The following NENF variants were observed in gnomAD, a reference collection of about 807,000 sequenced individuals.
The protein encoded by NENF is neudesin.
A neutral mutation model predicts 14.8 loss-of-function variants in NENF; 6 were observed. The observed-to-expected ratio is 0.40, with a 90% CI of 0.22 to 0.80. NENF has a LOEUF of 0.80. Ranked by LOEUF, NENF falls within the 30% of genes least tolerant of loss-of-function variation. The probability of loss-of-function intolerance (pLI) is 0.34; values close to 1 mark genes in which losing one functional copy is unlikely to be tolerated. For synonymous variants in NENF, 76 were observed against 95.1 expected, an observed-to-expected ratio of 0.80 and a Z score of 1.17; for missense variants, 184 against 212.7, an observed-to-expected ratio of 0.87 and a Z score of 0.84.
chr1:212,435,337 CAT>C lies in NENF; in HGVS notation c.177+2221_177+2222del, dbSNP rs1373316570. Among the ~76,000 whole-genome samples, 4 of 152,130 alleles carry C rather than the reference CAT, an allele frequency of 2.6e-5. No individual in the cohort carries two copies. In the East Asian group the frequency reaches 7.7e-4, roughly 29 times the overall value. Reference sequence around the variant, plus strand: ...TGACCCCCATGCAGTCAAAAGTCTGCATATAACTTTTTTTTCTTTTAGAGGCA... The same window carrying C: ...TGACCCCCATGCAGTCAAAAGTCTGCATAACTTTTTTTTCTTTTAGAGGCA... On this transcript the variant is annotated intron_variant, in intron 1 of 3. Coordinates refer to ENST00000366988, the MANE Select transcript of NENF (RefSeq NM_013349.5).
intron 1 of NENF, among the ~76,000 whole-genome samples, chr1:212,434,246 A>G (rs1662569947): frequency 6.6e-6 from 1 of 152,156 alleles, no homozygotes; most frequent in Admixed American, 6.5e-5. Context: ...AGAGGGAACC[A>G]GATGGTTCAG....
At position 212,433,787 on chromosome 1, in the gene NENF, G is replaced by A. The variant is rs1031000940; in HGVS notation, c.177+667G>A. ...CCACACACGTCAATAGTCTAGAGGCGTCCAGAAAACTCACAACCACCTGCC... is the reference window on the plus strand; with the variant it reads ...CCACACACGTCAATAGTCTAGAGGCATCCAGAAAACTCACAACCACCTGCC... On this transcript the variant is annotated intron_variant, in intron 1 of 3. Coordinates refer to ENST00000366988, the MANE Select transcript of NENF (RefSeq NM_013349.5). The surrounding 1 kb of genome is among the most constrained non-coding windows in gnomAD (Gnocchi z 5.5). 6.6e-6 allele frequency among the ~76,000 whole-genome samples: 1 copy of A among 151,980 alleles called. No individual in the cohort carries two copies. The highest frequency in any genetic ancestry group is 2.4e-5 in the African/African-American group (1 of 41,370).
Position 212,446,328 on chromosome 1 carries a change from A to G in NENF, c.*322A>G, listed in dbSNP as rs1662778465. On this transcript the variant is annotated 3_prime_UTR_variant, in exon 4 of 4. Transcript: ENST00000366988. ...GCTTGACAGATTTTCAGCCATGACC[A>G]TGTTCACTTTATAATCAAAACAAAA... 3.9e-6 allele frequency: 1 copy of G among 255,324 alleles called. No individual in the cohort carries two copies. Among genetic ancestry groups the G allele is most frequent in the African/African-American group, 2.2e-5 (1 of 45,044 alleles). The allele number at this position is 255,324 out of a possible 1,614,324, so 15.8% of individuals were successfully genotyped here. A position where few individuals can be genotyped will look rare whatever the true frequency, so the allele number is the denominator to read the frequency against.
chr1:212,435,228 G>A (rs904892577), intron 1 of NENF, among the ~76,000 whole-genome samples: 4 of 152,228 alleles, frequency 2.6e-5, no homozygotes, highest in Non-Finnish European at 1.5e-5. Flanking sequence ...ACTTGGATTA[G>A]TCCAGGTTTC....
rs112393214 is a variant in NENF at position 212,443,880 on chromosome 1, CA to C, written c.239-448del. 6.9e-3 allele frequency among the ~76,000 whole-genome samples: 981 copies of C among 142,930 alleles called. 1 individual carries two copies. The highest frequency in any genetic ancestry group is 9.0e-3 in the African/African-American group (351 of 39,134). 93.8% of individuals were successfully genotyped at this position (142,930 alleles called of 152,430 possible). ...GCAACATGGTGAAACCCCATCTCTT[CA>C]AAAAAAAAAATACAAAAATTAGCTG... On this transcript the variant is annotated intron_variant, in intron 2 of 3. Coordinates refer to ENST00000366988, the MANE Select transcript of NENF (RefSeq NM_013349.5).
At chr1:212,444,463 T>C in intron 3 of NENF, 21 bp downstream of exon 3, 1 of 1,540,684 alleles carries the variant, frequency 6.5e-7, no homozygotes, top group Non-Finnish European at 8.8e-7. Context: ...TTATAAGCCT[T>C]TGTAAAATCC....
intron 2 of NENF, 103 bp downstream of exon 2, chr1:212,442,728 C>G (rs534790864): frequency 2.5e-6 from 2 of 793,236 alleles, no homozygotes; most frequent in Admixed American, 4.0e-5. Context: ...TAGGCAAGTC[C>G]TTTTCATTCC....
intron 1 of NENF, 32 bp from the exon 2 acceptor site, chr1:212,442,533 T>C (rs521469): frequency 0.41 from 648,701 of 1,571,570 alleles, 138,598 homozygotes; most frequent in East Asian, 0.62. Context: ...GGCTCTTCCC[T>C]TCCTCTTCAC....
intron 1 of NENF, 54 bp from the exon 2 acceptor site, chr1:212,442,511 A>G (rs1200145964): frequency 1.5e-6 from 2 of 1,339,122 alleles, no homozygotes; most frequent in Non-Finnish European, 2.2e-6. Context: ...ACTAAGTTGC[A>G]CTGGAAGAGC....
chr1:212,442,907 A>AT (rs971515605), intron 2 of NENF, among the ~76,000 whole-genome samples: 1 of 151,702 alleles, frequency 6.6e-6, no homozygotes, highest in Admixed American at 6.6e-5. Context: ...CCGCTGGCTA[A>AT]TTTTTTTGTA....
chr1:212,434,072 C>G lies in NENF; in HGVS notation c.177+952C>G, dbSNP rs568609246. ...CCTGAGTTAATTGGCCTTATATGGACTAGGATTGCATGGGGGTATCAGAAA... is the reference window on the plus strand; with the variant it reads ...CCTGAGTTAATTGGCCTTATATGGAGTAGGATTGCATGGGGGTATCAGAAA... On this transcript the variant is annotated intron_variant, in intron 1 of 3. Coordinates refer to ENST00000366988, the MANE Select transcript of NENF (RefSeq NM_013349.5). Among the ~76,000 whole-genome samples, 9 of 152,228 alleles carry G rather than the reference C, an allele frequency of 5.9e-5. No homozygotes were observed. In the East Asian group the frequency reaches 1.7e-3, roughly 29 times the overall value.
chr1:212,441,769 T>C (rs1319797525), intron 1 of NENF, among the ~76,000 whole-genome samples: 2 of 151,648 alleles, frequency 1.3e-5, no homozygotes, highest in Non-Finnish European at 2.9e-5. Context: ...CTGGGCAGCA[T>C]GAGTGAAACT....
At chr1:212,444,006 T>G (rs966664585) in intron 2 of NENF, among the ~76,000 whole-genome samples, 3 of 151,910 alleles carry the variant, frequency 2.0e-5, no homozygotes, top group Non-Finnish European at 4.4e-5. Flanking sequence ...GAGCCAAGAT[T>G]GTGCCACTGC....
At position 212,433,111 on chromosome 1, in the gene NENF, CG is replaced by C; in HGVS notation, c.172del (p.Glu58ArgfsTer11). 1 of 1,194,520 alleles carries C rather than the reference CG, an allele frequency of 8.4e-7. No homozygotes were observed. Among genetic ancestry groups the C allele is most frequent in the Non-Finnish European group, 1.0e-6 (1 of 963,350 alleles). The allele number at this position is 1,194,520 out of a possible 1,614,324, so 74.0% of individuals were successfully genotyped here. ...FTEEELARYG[G>X]EEEDQPIYLA... is the part of the protein sequence containing the mutation. ...CCGAGGAGGAGCTGGCCCGCTATGG[CG>C]GGGAGGAGGTAGGCGGGGGTGTCGC... On this transcript the variant is annotated frameshift_variant, in exon 1 of 4. Coordinates refer to ENST00000366988, the MANE Select transcript of NENF (RefSeq NM_013349.5). LOFTEE classifies it high-confidence loss of function. This position sits in a 1 kb window ranked among gnomAD's most constrained non-coding sequence, Gnocchi z 5.5.
At position 212,433,655 on chromosome 1, in the gene NENF, T is replaced by C. The variant is rs1398631888; in HGVS notation, c.177+535T>C. Among the ~76,000 whole-genome samples, 1 of 151,978 alleles carries C rather than the reference T, an allele frequency of 6.6e-6. No individual in the cohort carries two copies. Among genetic ancestry groups the C allele is most frequent in the African/African-American group, 2.4e-5 (1 of 41,380 alleles). The stretch of plus-strand genomic sequence containing the variant: ...AACCCACTTTTAGGTCATGTACCCC[T>C]GGGGCTCAGCCAAAGCTGGAAGTGA... On this transcript the variant is annotated intron_variant, in intron 1 of 3. Transcript: ENST00000366988. The surrounding 1 kb of genome is among the most constrained non-coding windows in gnomAD (Gnocchi z 5.5).
At chr1:212,445,246 C>T (rs1232783607) in intron 3 of NENF, among the ~76,000 whole-genome samples, 1 of 147,050 alleles carries the variant, frequency 6.8e-6, no homozygotes, top group African/African-American at 2.5e-5. Flanking sequence ...CAGAGTGAGA[C>T]TCCATCTCAA....
In NENF at chr1:212,433,449, G is replaced by T. The variant is rs538102710; in HGVS notation, c.177+329G>T. Among the ~76,000 whole-genome samples the T allele has an allele frequency of 5.9e-5, 9 of 152,220 alleles. No individual in the cohort carries two copies. In the South Asian group the frequency reaches 1.9e-3, roughly 32 times the overall value. ...TCAGAACTTTTTGGTTTTCATGTTA[G>T]CATCAGCCGAGGCGTTTACTGTGCC... On this transcript the variant is annotated intron_variant, in intron 1 of 3. Transcript: ENST00000366988. This position sits in a 1 kb window ranked among gnomAD's most constrained non-coding sequence, Gnocchi z 5.5.
chr1:212,444,518 CGTGTGTGTGTGTGTGTGT>C (rs57220444), intron 3 of NENF, 76 bp downstream of exon 3: 134 of 497,388 alleles, frequency 2.7e-4, no homozygotes, highest in African/African-American at 3.3e-4. Flanking sequence ...TTTTTCTTTT[CGTGTGTGTGTGTGTGTGT>C]GTGTGTGTGT....
intron 2 of NENF, 110 bp from the exon 3 acceptor site, chr1:212,444,229 G>T: frequency 1.8e-6 from 1 of 553,728 alleles, no homozygotes; most frequent in Non-Finnish European, 3.0e-6. Flanking sequence ...CGTGAGCGTG[G>T]AGTCTTTTTT....
Sources: gnomAD v4.1 joint callset for allele counts (sites outside exome capture counted in the v4.1 genomes callset) on GRCh38, gnomAD v4.1.1 for gene constraint, Gnocchi (gnomAD v3.1) non-coding constraint, MANE v1.5 for transcripts, NCBI Gene and HGNC (gene_info 2026-07-23, HGNC 2026-07-21) for gene names.